The following HOXD13 variants were observed in gnomAD, a reference collection of about 807,000 sequenced individuals.
HOXD13 encodes homeobox D13, also known as homeobox protein Hox-D13.
A neutral mutation model predicts 27.3 loss-of-function variants in HOXD13; 16 were observed. The observed-to-expected ratio is 0.59, with a 90% CI of 0.40 to 0.89. The LOEUF (loss-of-function observed/expected upper bound fraction) is 0.89. Among genes scored for constraint, HOXD13 ranks in the 40% least tolerant of loss-of-function variants. HOXD13 has a pLI of 0.00. For missense variants in HOXD13, 481 were observed against 482.6 expected (o/e 1.00, Z 0.03); for synonymous variants, 241 against 219.0 (o/e 1.10, Z -0.89).
chr2:176,093,116 T>A lies in HOXD13; in HGVS notation c.226T>A (p.Tyr76Asn), dbSNP rs1334930092. The change falls in exon 1 of 2, where the codon TAC (tyrosine) becomes AAC (asparagine). Residue 76 changes from tyrosine (Y) to asparagine (N), a missense_variant. Transcript: ENST00000392539. The part of the protein sequence containing the change: ...AAAAAASGFA[Y>N]PGTSERTGSS... ...GGCGGCGGCAGCCTCCGGCTTTGCG[T>A]ACCCCGGGACCTCTGAGCGCACGGG... 6.3e-7 allele frequency: 1 copy of A among 1,574,820 alleles called. No individual in the cohort carries two copies. The highest frequency in any genetic ancestry group is 8.6e-7 in the Non-Finnish European group (1 of 1,166,966).
At chr2:176,090,215 G>C (rs547372726), upstream of HOXD13, among the ~76,000 whole-genome samples, 59 of 152,388 alleles carry the variant, frequency 3.9e-4, no homozygotes, top group African/African-American at 1.3e-3. Context: ...CTCCCACAGG[G>C]CTGGGACCCC....
At position 176,093,267 on chromosome 2, in the gene HOXD13, G is replaced by C; in HGVS notation, c.377G>C (p.Gly126Ala). The change falls in exon 1 of 2, where the codon GGC (glycine) becomes GCC (alanine). Residue 126 changes from glycine to alanine, a missense_variant. Gly to Ala is a moderately conservative substitution (Grantham distance 60, BLOSUM62 0). Coordinates refer to ENST00000392539, the MANE Select transcript of HOXD13 (RefSeq NM_000523.4). ...AAAPPSAPAL[G>A]YGYHFGNGYY... ...GCGCCCCCGAGCGCTCCAGCGCTGG[G>C]CTACGGCTACCACTTCGGCAACGGC... is the stretch of plus-strand genomic sequence containing the variant. The C allele has an allele frequency of 6.2e-7, 1 of 1,611,030 alleles. No homozygotes were observed. Among genetic ancestry groups the C allele is most frequent in the South Asian group, 1.1e-5 (1 of 90,996 alleles).
At chr2:176,091,891 C>G (rs1049802842), upstream of HOXD13, among the ~76,000 whole-genome samples, 1 of 152,090 alleles carries the variant, frequency 6.6e-6, no homozygotes, top group Admixed American at 6.5e-5. Flanking sequence ...TTCTCAGGGT[C>G]TTTCTGCGGG....
Position 176,092,792 on chromosome 2 carries a change from G to T in HOXD13, c.-99G>T. 1 of 796,974 alleles carries T rather than the reference G, an allele frequency of 1.3e-6. No homozygotes were observed. Among genetic ancestry groups the T allele is most frequent in the South Asian group, 6.2e-5 (1 of 16,042 alleles). 49.4% of individuals were successfully genotyped at this position (796,974 alleles called of 1,614,324 possible). A position where few individuals can be genotyped will look rare whatever the true frequency, so the allele number is the denominator to read the frequency against. Reference sequence around the variant, plus strand: ...AGGGCTAGAGGAAGAGGGCGGGAGCGAGCGAACCAGAGAGAAAGGAGAGGA... The same window carrying T: ...AGGGCTAGAGGAAGAGGGCGGGAGCTAGCGAACCAGAGAGAAAGGAGAGGA... On this transcript the variant is annotated 5_prime_UTR_variant, in exon 1 of 2. Transcript: ENST00000392539.
At chr2:176,091,041 G>A (rs753833242), upstream of HOXD13, among the ~76,000 whole-genome samples, 2 of 152,128 alleles carry the variant, frequency 1.3e-5, no homozygotes, top group Non-Finnish European at 2.9e-5. Flanking sequence ...ACTTCAAAAC[G>A]ATGAAACGAA....
upstream of HOXD13, among the ~76,000 whole-genome samples, chr2:176,090,864 C>T (rs1192675841): frequency 6.6e-6 from 1 of 152,182 alleles, no homozygotes; most frequent in Non-Finnish European, 1.5e-5. Context: ...CCTGTCGCCT[C>T]GCCACAGTTG....
chr2:176,094,766 A>G lies in HOXD13; in HGVS notation c.*36A>G. 1 of 1,604,862 alleles carries G rather than the reference A, an allele frequency of 6.2e-7. No individual in the cohort carries two copies. The highest frequency in any genetic ancestry group is 8.5e-7 in the Non-Finnish European group (1 of 1,171,842). Reference sequence around the variant, plus strand: ...GTTGGCCACAGACAGCTTAGAAGCCATTCGGTTGTCTCCAAAAGGCCTTTG... The same window carrying G: ...GTTGGCCACAGACAGCTTAGAAGCCGTTCGGTTGTCTCCAAAAGGCCTTTG... On this transcript the variant is annotated 3_prime_UTR_variant, in exon 2 of 2. Transcript: ENST00000392539.
At position 176,092,866 on chromosome 2, in the gene HOXD13, G is replaced by A. The variant is rs1689342289; in HGVS notation, c.-25G>A. Reference sequence around the variant, plus strand: ...GTGTCCTGCGCGGGGCCAGGGCCAGGGCCGGGGCCGGGCCAGGCCGGGCCA... The same window carrying A: ...GTGTCCTGCGCGGGGCCAGGGCCAGAGCCGGGGCCGGGCCAGGCCGGGCCA... On this transcript the variant is annotated 5_prime_UTR_variant, in exon 1 of 2. Transcript: ENST00000392539. 2 of 1,222,310 alleles carry A rather than the reference G, an allele frequency of 1.6e-6. No individual in the cohort carries two copies. Among genetic ancestry groups the A allele is most frequent in the Non-Finnish European group, 1.0e-6 (1 of 982,370 alleles). 75.7% of individuals were successfully genotyped at this position (1,222,310 alleles called of 1,614,324 possible).
rs1689366841 is a variant in HOXD13, at chr2:176,093,640, G to T, written c.750G>T (p.Gln250His). 1 of 1,602,236 alleles carries T rather than the reference G, an allele frequency of 6.2e-7. No individual in the cohort carries two copies. Among genetic ancestry groups the T allele is most frequent in the Non-Finnish European group, 8.5e-7 (1 of 1,171,824 alleles). Residue 250 changes from glutamine (Q) to histidine (H), a missense_variant, in exon 1 of 2, where the codon CAG (glutamine) becomes CAT (histidine). Gln to His is a conservative substitution (Grantham distance 24). Coordinates refer to ENST00000392539, the MANE Select transcript of HOXD13 (RefSeq NM_000523.4). ...SQVYCTKDQP[Q>H]GSHFWKSSFP... ...TGTACTGCACCAAGGACCAGCCACA[G>T]GGGTCCCACTTTTGGAAATCTTCCT...
At chr2:176,087,835 TA>T (rs1689264092), upstream of HOXD13, among the ~76,000 whole-genome samples, 1 of 152,140 alleles carries the variant, frequency 6.6e-6, no homozygotes, top group Non-Finnish European at 1.5e-5. Flanking sequence ...TCTAAAGGAG[TA>T]ATGACTTTGA....
chr2:176,094,662 A>G lies in HOXD13; in HGVS notation c.964A>G (p.Ile322Val), dbSNP rs28928891. 5 of 1,613,908 alleles carry G rather than the reference A, an allele frequency of 3.1e-6. No homozygotes were observed. The highest frequency in any genetic ancestry group is 4.2e-6 in the Non-Finnish European group (5 of 1,179,766). ...ATNLSERQVT[I>V]WFQNRRVKDK... ...GAACCTATCTGAGAGACAAGTGACCATTTGGTTTCAGAACCGAAGAGTGAA... is the reference window on the plus strand; with the variant it reads ...GAACCTATCTGAGAGACAAGTGACCGTTTGGTTTCAGAACCGAAGAGTGAA... Residue 322 changes from isoleucine to valine, a missense_variant, in exon 2 of 2, where the codon ATT becomes GTT. Physicochemically the swap from Ile to Val is conservative, Grantham distance 29 (BLOSUM62 3). Coordinates refer to ENST00000392539, the MANE Select transcript of HOXD13 (RefSeq NM_000523.4).
At position 176,093,546 on chromosome 2, in the gene HOXD13, G is replaced by C; in HGVS notation, c.656G>C (p.Arg219Pro). 1 of 1,613,918 alleles carries C rather than the reference G, an allele frequency of 6.2e-7. No individual in the cohort carries two copies. Among genetic ancestry groups the C allele is most frequent in the Non-Finnish European group, 8.5e-7 (1 of 1,179,994 alleles). ...MVSTFGSGEP[R>P]HEAYISMEGY... ...TCCACTTTCGGCTCCGGGGAGCCTC[G>C]GCACGAGGCCTACATCTCCATGGAG... Residue 219 changes from arginine to proline, a missense_variant, in exon 1 of 2, where the codon CGG (arginine) becomes CCG (proline). By Grantham distance (103) the Arg-to-Pro change is moderately radical. Transcript: ENST00000392539.
Position 176,093,452 on chromosome 2 carries a change from A to T in HOXD13, c.562A>T (p.Lys188Ter), listed in dbSNP as rs536676052. 6.2e-7 allele frequency: 1 copy of T among 1,614,050 alleles called. No individual in the cohort carries two copies. The part of the protein sequence containing the change: ...VPANEVPARA[K>*]EVSFYQGYTS... ...GGCCAACGAGGTGCCAGCGCGAGCC[A>T]AGGAGGTATCCTTCTACCAGGGCTA... Residue 188 changes from lysine to a stop codon, truncating the protein, a stop_gained, in exon 1 of 2, where the codon AAG becomes TAG. Coordinates refer to ENST00000392539, the MANE Select transcript of HOXD13 (RefSeq NM_000523.4). LOFTEE classifies it high-confidence loss of function.
chr2:176,095,854 C>A lies in HOXD13; in HGVS notation c.*1124C>A, dbSNP rs940621802. ...TTTTTGTAAATGCAATGTCTGTGAGCTGGGATACATGGGCAGTGCTTCAGA... is the reference window on the plus strand; with the variant it reads ...TTTTTGTAAATGCAATGTCTGTGAGATGGGATACATGGGCAGTGCTTCAGA... On this transcript the variant is annotated 3_prime_UTR_variant, in exon 2 of 2. Transcript: ENST00000392539. 21 of 206,760 alleles carry A rather than the reference C, an allele frequency of 1.0e-4. 1 individual carries two copies. Among genetic ancestry groups the A allele is most frequent in the African/African-American group, 4.8e-4 (21 of 43,868 alleles). The allele number at this position is 206,760 out of a possible 1,614,324, so 12.8% of individuals were successfully genotyped here.
At chr2:176,092,547 C>G (rs1574942552), upstream of HOXD13, among the ~76,000 whole-genome samples, 5 of 152,036 alleles carry the variant, frequency 3.3e-5, 1 homozygote, top group African/African-American at 1.2e-4. Context: ...GTGGGTCCAG[C>G]CAGGCCTGGG....
At chr2:176,088,018 C>T (rs1689266481), upstream of HOXD13, among the ~76,000 whole-genome samples, 1 of 152,294 alleles carries the variant, frequency 6.6e-6, no homozygotes, top group Non-Finnish European at 1.5e-5. Context: ...GCAGCGAAGC[C>T]CCGCGTCTGC....
chr2:176,089,382 C>T (rs1689289671), upstream of HOXD13, among the ~76,000 whole-genome samples: 1 of 152,160 alleles, frequency 6.6e-6, no homozygotes, highest in Admixed American at 6.5e-5. Context: ...ATTTCTACAC[C>T]AAATATTTGG....
upstream of HOXD13, among the ~76,000 whole-genome samples, chr2:176,091,742 G>T (rs542476431): frequency 1.3e-5 from 2 of 152,296 alleles, no homozygotes; most frequent in East Asian, 3.9e-4. Flanking sequence ...AGGTCCCTGG[G>T]AAAGTGAAGT....
Position 176,095,691 on chromosome 2 carries a change from C to T in HOXD13, c.*961C>T, listed in dbSNP as rs956321011. On this transcript the variant is annotated 3_prime_UTR_variant, in exon 2 of 2. Coordinates refer to ENST00000392539, the MANE Select transcript of HOXD13 (RefSeq NM_000523.4). The stretch of plus-strand genomic sequence containing the variant: ...CTTGACTGTCTAAACAAGGGGGCCT[C>T]GCATGGAGCTGTAAAGCATCTAACA... The T allele has an allele frequency of 1.8e-5, 4 of 226,872 alleles. No individual in the cohort carries two copies. Among genetic ancestry groups the T allele is most frequent in the African/African-American group, 6.7e-5 (3 of 44,878 alleles). 14.1% of individuals were successfully genotyped at this position (226,872 alleles called of 1,614,324 possible).
Sources: gnomAD v4.1 joint callset for allele counts (sites outside exome capture counted in the v4.1 genomes callset) on GRCh38, gnomAD v4.1.1 for gene constraint, MANE v1.5 for transcripts, NCBI Gene and HGNC (gene_info 2026-07-23, HGNC 2026-07-21) for gene names.